The following SLC35F1 variants were observed in gnomAD, a reference collection of about 807,000 sequenced individuals.
SLC35F1 encodes the protein chromosome 6 open reading frame 169.
In SLC35F1, 14 loss-of-function variants were observed where a neutral mutation model predicts 48.7. The observed-to-expected ratio is 0.29, with a 90% confidence interval of 0.19 to 0.45. The LOEUF is 0.45. Among genes scored for constraint, SLC35F1 ranks in the 20% least tolerant of loss-of-function variants. SLC35F1 has a pLI of 1.00. For synonymous variants in SLC35F1, 190 were observed against 202.2 expected (o/e 0.94, Z 0.51); for missense variants, 404 against 500.0 (o/e 0.81, Z 1.83).
chr6:118,284,354 T>TC, intron 6 of SLC35F1, among the ~76,000 whole-genome samples: 1 of 152,194 alleles, frequency 6.6e-6, no homozygotes, highest in East Asian at 1.9e-4. Context: ...AGCATTATTT[T>TC]TTTTTTACAT....
At chr6:117,954,971 A>G (rs1229219215) in intron 1 of SLC35F1, among the ~76,000 whole-genome samples, 3 of 152,176 alleles carry the variant, frequency 2.0e-5, no homozygotes, top group Non-Finnish European at 4.4e-5. Context: ...CCTCATCTAT[A>G]ATTTATTTTG....
chr6:117,923,655 A>G lies in SLC35F1; in HGVS notation c.173+15756A>G, dbSNP rs532330416. Among the ~76,000 whole-genome samples the G allele has an allele frequency of 4.3e-5, 3 of 70,586 alleles. 1 individual carries two copies. Among genetic ancestry groups the G allele is most frequent in the African/African-American group, 1.4e-4 (3 of 22,146 alleles). 46.3% of individuals were successfully genotyped at this position (70,586 alleles called of 152,430 possible). Reference sequence around the variant, plus strand: ...TATATGTACATATGTACATATGTACATATGTATATATACATATATGTACAT... The same window carrying G: ...TATATGTACATATGTACATATGTACGTATGTATATATACATATATGTACAT... On this transcript the variant is annotated intron_variant, in intron 1 of 7. Transcript: ENST00000360388.
chr6:118,020,256 C>T (rs760363949), intron 1 of SLC35F1, among the ~76,000 whole-genome samples: 2 of 152,132 alleles, frequency 1.3e-5, no homozygotes, highest in African/African-American at 2.4e-5. Flanking sequence ...TTAAACTAGC[C>T]TAATGAGTCC....
chr6:118,164,528 A>G (rs559727649), intron 2 of SLC35F1, among the ~76,000 whole-genome samples: 16 of 152,330 alleles, frequency 1.1e-4, no homozygotes, highest in African/African-American at 3.8e-4. Flanking sequence ...GCTGTATTTC[A>G]TCATTTCATA....
At chr6:118,260,527 G>C (rs991510541) in intron 3 of SLC35F1, among the ~76,000 whole-genome samples, 17 of 152,236 alleles carry the variant, frequency 1.1e-4, no homozygotes, top group African/African-American at 4.1e-4. Flanking sequence ...TGCAGGGACA[G>C]TTTTATCTAC....
At position 117,923,755 on chromosome 6, in the gene SLC35F1, A is replaced by ACATATGTATATATG. The variant is rs1562238976; in HGVS notation, c.173+15856_173+15857insCATATGTATATATG. ...TGTATATATACATATATGTACATAT[A>ACATATGTATATATG]TACATATGCACATACATATGTATAT... On this transcript the variant is annotated intron_variant, in intron 1 of 7. Coordinates refer to ENST00000360388, the MANE Select transcript of SLC35F1 (RefSeq NM_001029858.4). Among the ~76,000 whole-genome samples, 19 of 2,808 alleles carry ACATATGTATATATG rather than the reference A, an allele frequency of 6.8e-3. 2 individuals carry two copies. Among genetic ancestry groups the ACATATGTATATATG allele is most frequent in the South Asian group, 0.1 (2 of 20 alleles). The allele number at this position is 2,808 out of a possible 152,430, so 1.8% of individuals were successfully genotyped here. A position where few individuals can be genotyped will look rare whatever the true frequency, so the allele number is the denominator to read the frequency against.
chr6:117,993,518 T>TGA (rs1218472467), intron 1 of SLC35F1, among the ~76,000 whole-genome samples: 1 of 152,168 alleles, frequency 6.6e-6, no homozygotes, highest in Non-Finnish European at 1.5e-5. Flanking sequence ...GATATAGCAG[T>TGA]GAGCAAGAAG....
At chr6:118,046,469 A>C (rs1022762566) in intron 1 of SLC35F1, among the ~76,000 whole-genome samples, 1 of 152,188 alleles carries the variant, frequency 6.6e-6, no homozygotes, top group African/African-American at 2.4e-5. Flanking sequence ...AAAGAGAAGC[A>C]TGGAAATTTG....
intron 1 of SLC35F1, among the ~76,000 whole-genome samples, chr6:118,120,646 G>A (rs559846479): frequency 1.3e-5 from 2 of 152,154 alleles, no homozygotes; most frequent in South Asian, 4.2e-4. Context: ...ATGAACAAGG[G>A]CTCAAACCAC....
intron 1 of SLC35F1, among the ~76,000 whole-genome samples, chr6:118,125,433 T>C (rs918167221): frequency 2.0e-5 from 3 of 152,092 alleles, no homozygotes; most frequent in African/African-American, 4.8e-5. Flanking sequence ...TATGTAGTTA[T>C]TTATTGGAAT....
In SLC35F1 at chr6:118,252,908, G is replaced by C. The variant is rs1775594160; in HGVS notation, c.478-14087G>C. ...GACCTGAGCAACTAAGTCACTGGTG[G>C]TCCCATTCAGGGAGGGAAGAATCAC... On this transcript the variant is annotated intron_variant, in intron 3 of 7. Coordinates refer to ENST00000360388, the MANE Select transcript of SLC35F1 (RefSeq NM_001029858.4). 2.0e-5 allele frequency among the ~76,000 whole-genome samples: 3 copies of C among 152,146 alleles called. 1 individual carries two copies. The South Asian group carries it at 6.2e-4, about 31-fold the overall frequency.
intron 1 of SLC35F1, among the ~76,000 whole-genome samples, chr6:117,977,801 C>G (rs1162161209): frequency 6.6e-6 from 1 of 151,832 alleles, no homozygotes; most frequent in East Asian, 1.9e-4. Context: ...ATTGATTTTT[C>G]TTTTAATGCA....
At chr6:118,123,415 A>G (rs1425214143) in intron 1 of SLC35F1, among the ~76,000 whole-genome samples, 1 of 84,418 alleles carries the variant, frequency 1.2e-5, no homozygotes, top group African/African-American at 4.2e-5. Context: ...TAGAAATTCA[A>G]TGCCAAATGA....
At chr6:118,230,310 A>T (rs1280026105) in intron 2 of SLC35F1, among the ~76,000 whole-genome samples, 1 of 151,210 alleles carries the variant, frequency 6.6e-6, no homozygotes, top group Non-Finnish European at 1.5e-5. Context: ...ACTGCACTCC[A>T]GGCTGGTGAC....
In SLC35F1 at chr6:118,167,934, C is replaced by G. The variant is rs548082079; in HGVS notation, c.349+13314C>G. On this transcript the variant is annotated intron_variant, in intron 2 of 7. Transcript: ENST00000360388. ...CTCTATCATCCACTTCACCACTCTT[C>G]TCTCCATCCAGCTCCAGTCCTGTCT... is the stretch of plus-strand genomic sequence containing the variant. Among the ~76,000 whole-genome samples the G allele has an allele frequency of 3.3e-5, 5 of 152,280 alleles. No individual in the cohort carries two copies. The South Asian group carries it at 6.2e-4, about 19-fold the overall frequency.
rs141467749 is a variant in SLC35F1, at chr6:118,027,723, G to GT, written c.173+119827dup. Among the ~76,000 whole-genome samples, 1,317 of 152,082 alleles carry GT rather than the reference G, an allele frequency of 8.7e-3. 19 individuals are homozygous for GT. The highest frequency in any genetic ancestry group is 0.03 in the African/African-American group (1,254 of 41,510). On this transcript the variant is annotated intron_variant, in intron 1 of 7. Coordinates refer to ENST00000360388, the MANE Select transcript of SLC35F1 (RefSeq NM_001029858.4). ...AGATACAAGCACCTTGTCAGATACTGTTTACAATTTTTTCTTCCCCATCTG... is the reference window on the plus strand; with the variant it reads ...AGATACAAGCACCTTGTCAGATACTGTTTTACAATTTTTTCTTCCCCATCTG...
chr6:118,069,998 C>T (rs1772675067), intron 1 of SLC35F1, among the ~76,000 whole-genome samples: 3 of 150,932 alleles, frequency 2.0e-5, no homozygotes, highest in Non-Finnish European at 3.0e-5. Context: ...TAGCCGGGCG[C>T]GGTGGCGGGC....
rs143171489 is a variant in SLC35F1, at chr6:118,267,290, G to C, written c.637+136G>C. 7.6e-3 allele frequency: 7,701 copies of C among 1,018,122 alleles called. 37 individuals are homozygous for C. Among genetic ancestry groups the C allele is most frequent in the Middle Eastern group, 0.019 (59 of 3,038 alleles). The allele number at this position is 1,018,122 out of a possible 1,614,324, so 63.1% of individuals were successfully genotyped here. ...CACTATCTGTGTCCTGTTCATGTCT[G>C]TTCCCCACACCTGAAACAGGGCACA... On this transcript the variant is annotated intron_variant, in intron 4 of 7. Coordinates refer to ENST00000360388, the MANE Select transcript of SLC35F1 (RefSeq NM_001029858.4).
intron 1 of SLC35F1, among the ~76,000 whole-genome samples, chr6:117,913,134 G>A (rs1775784009): frequency 6.6e-6 from 1 of 152,166 alleles, no homozygotes; most frequent in African/African-American, 2.4e-5. Context: ...TAGCTTGCTT[G>A]TTCATTTGCG....
Sources: gnomAD v4.1 joint callset for allele counts (sites outside exome capture counted in the v4.1 genomes callset) on GRCh38, gnomAD v4.1.1 for gene constraint, MANE v1.5 for transcripts, NCBI Gene and HGNC (gene_info 2026-07-23, HGNC 2026-07-21) for gene names.